ZNF710: variants seen among roughly 807,000 people sequenced by gnomAD.
ZNF710 encodes the protein zinc finger protein 710.
A neutral mutation model predicts 50.6 loss-of-function variants in ZNF710; 13 were observed. That is an observed-to-expected ratio of 0.26 (90% CI 0.17 to 0.41). ZNF710 has a LOEUF of 0.41. ZNF710 is among the 10% of genes least tolerant of loss of function. ZNF710 has a pLI of 1.00. For synonymous variants in ZNF710, 383 were observed against 397.0 expected (o/e 0.96, Z 0.42); for missense variants, 721 against 936.6 (o/e 0.77, Z 3.01).
chr15:90,050,930 G>A (rs1213580821), intron 1 of ZNF710, among the ~76,000 whole-genome samples: 3 of 152,116 alleles, frequency 2.0e-5, no homozygotes, highest in Admixed American at 1.3e-4. Context: ...CCGGATGATA[G>A]GAACAATAAT....
In ZNF710 at chr15:90,059,357, G is replaced by A. The variant is rs570169109; in HGVS notation, c.-28-7753G>A. Among the ~76,000 whole-genome samples, 9 of 152,350 alleles carry A rather than the reference G, an allele frequency of 5.9e-5. No individual in the cohort carries two copies. The highest frequency in any genetic ancestry group is 2.1e-4 in the South Asian group (1 of 4,834). ...CCTACCAAAAGGCTGTGGGGGCTGC[G>A]GGGCCGGAGACCTGCATTCTAGCCC... On this transcript the variant is annotated intron_variant, in intron 1 of 4. Coordinates refer to ENST00000268154, the MANE Select transcript of ZNF710 (RefSeq NM_198526.4). This position sits in a 1 kb window ranked among gnomAD's most constrained non-coding sequence, Gnocchi z 4.1.
Position 90,074,219 on chromosome 15 carries a change from A to G in ZNF710, c.1754A>G (p.Asn585Ser). Residue 585 changes from asparagine (N) to serine (S), a missense_variant, in exon 4 of 5, where the codon AAT becomes AGT. Coordinates refer to ENST00000268154, the MANE Select transcript of ZNF710 (RefSeq NM_198526.4). ...FKCPYCSSKF[N>S]LKGNLSRHMK... The stretch of plus-strand genomic sequence containing the variant: ...TGCCCCTACTGCTCCAGCAAGTTTA[A>G]TCTCAAGGGCAACCTGAGCCGGCAC... The G allele has an allele frequency of 1.2e-6, 2 of 1,613,392 alleles. No homozygotes were observed. The highest frequency in any genetic ancestry group is 1.7e-6 in the Non-Finnish European group (2 of 1,179,788).
chr15:90,014,742 C>T (rs1265558318), intron 1 of ZNF710, among the ~76,000 whole-genome samples: 1 of 152,066 alleles, frequency 6.6e-6, no homozygotes, highest in East Asian at 1.9e-4. Context: ...AGAATTTCTT[C>T]TTGGCAGAAT....
Position 90,067,368 on chromosome 15 carries a change from G to A in ZNF710, c.231G>A (p.Glu77=). The change falls in exon 2 of 5, where the codon GAG becomes GAA. Residue 77 remains glutamate (E), a synonymous_variant. Transcript: ENST00000268154. The surrounding 1 kb of genome is among the most constrained non-coding windows in gnomAD (Gnocchi z 8.1). ...YQLACNGRAL[E]EPAEEEVLEV... is the part of the protein sequence containing the mutation. ...TGGCCTGCAACGGGAGGGCCTTGGA[G>A]GAGCCGGCGGAGGAGGAGGTGCTGG... 6.3e-7 allele frequency: 1 copy of A among 1,595,946 alleles called. No homozygotes were observed. The highest frequency in any genetic ancestry group is 8.5e-7 in the Non-Finnish European group (1 of 1,171,094).
rs1327642097 is a variant in ZNF710, at chr15:90,059,313, G to T, written c.-28-7797G>T. On this transcript the variant is annotated intron_variant, in intron 1 of 4. Coordinates refer to ENST00000268154, the MANE Select transcript of ZNF710 (RefSeq NM_198526.4). This position sits in a 1 kb window ranked among gnomAD's most constrained non-coding sequence, Gnocchi z 4.1. Reference sequence around the variant, plus strand: ...GAGCCATCTTGGGCAGCAAATGAAGGCATGGGCAGTGCATCCCGCCTACCA... The same window carrying T: ...GAGCCATCTTGGGCAGCAAATGAAGTCATGGGCAGTGCATCCCGCCTACCA... Among the ~76,000 whole-genome samples, 1 of 152,208 alleles carries T rather than the reference G, an allele frequency of 6.6e-6. No homozygotes were observed. The highest frequency in any genetic ancestry group is 2.4e-5 in the African/African-American group (1 of 41,438).
rs1380814412 is a variant in ZNF710, at chr15:90,044,855, C to T, written c.-28-22255C>T. Among the ~76,000 whole-genome samples the T allele has an allele frequency of 3.9e-5, 6 of 152,142 alleles. No individual in the cohort carries two copies. In the East Asian group the frequency reaches 1.2e-3, roughly 29 times the overall value. ...AGCAAGGCCAGCACTTTCTACATCCCCAGGGGCCACCAGTCACTGTGGTCT... is the reference window on the plus strand; with the variant it reads ...AGCAAGGCCAGCACTTTCTACATCCTCAGGGGCCACCAGTCACTGTGGTCT... On this transcript the variant is annotated intron_variant, in intron 1 of 4. Transcript: ENST00000268154.
chr15:90,011,475 A>T lies in ZNF710; in HGVS notation c.-29+9861A>T, dbSNP rs145857814. ...TTTTTTCAAACAATGTAAAGACCTTAGAATGCTTTATATAAAGTCACCACT... is the reference window on the plus strand; with the variant it reads ...TTTTTTCAAACAATGTAAAGACCTTTGAATGCTTTATATAAAGTCACCACT... On this transcript the variant is annotated intron_variant, in intron 1 of 4. Coordinates refer to ENST00000268154, the MANE Select transcript of ZNF710 (RefSeq NM_198526.4). 9.2e-5 allele frequency among the ~76,000 whole-genome samples: 14 copies of T among 152,338 alleles called. No individual in the cohort carries two copies. The East Asian group carries it at 2.5e-3, about 27-fold the overall frequency.
At chr15:90,020,174 C>G (rs1040847803) in intron 1 of ZNF710, among the ~76,000 whole-genome samples, 1 of 152,220 alleles carries the variant, frequency 6.6e-6, no homozygotes, top group Non-Finnish European at 1.5e-5. Context: ...TGCTGACCGG[C>G]TCTTCCTCCT....
intron 1 of ZNF710, among the ~76,000 whole-genome samples, chr15:90,018,064 C>T (rs1358933459): frequency 3.3e-5 from 5 of 152,116 alleles, no homozygotes; most frequent in African/African-American, 1.2e-4. Flanking sequence ...CTGTCTCCCC[C>T]AGAAAAACTT....
At chr15:90,056,166 T>G (rs2151513154) in intron 1 of ZNF710, among the ~76,000 whole-genome samples, 2 of 150,428 alleles carry the variant, frequency 1.3e-5, no homozygotes, top group East Asian at 2.0e-4. Context: ...TCCCAGCACT[T>G]TGGGAGGCCG....
chr15:90,072,943 A>G, intron 2 of ZNF710, 128 bp from the exon 3 acceptor site: 2 of 999,344 alleles, frequency 2.0e-6, no homozygotes, highest in East Asian at 5.2e-5. Context: ...TACCCTCAAA[A>G]AGAGACATTT....
intron 1 of ZNF710, among the ~76,000 whole-genome samples, chr15:90,019,944 T>C (rs1314824796): frequency 2.0e-5 from 3 of 152,130 alleles, no homozygotes; most frequent in Non-Finnish European, 4.4e-5. Context: ...ACTAGGTTGG[T>C]GCTTATTGGG....
intron 1 of ZNF710, among the ~76,000 whole-genome samples, chr15:90,065,243 C>T (rs753849794): frequency 2.3e-4 from 35 of 152,068 alleles, no homozygotes; most frequent in Admixed American, 5.2e-4. Flanking sequence ...GGGAGGGGGA[C>T]GCCTTGCCCG....
At chr15:90,049,125 TA>T (rs1899559015) in intron 1 of ZNF710, among the ~76,000 whole-genome samples, 1 of 152,346 alleles carries the variant, frequency 6.6e-6, no homozygotes, top group Non-Finnish European at 1.5e-5. Context: ...TGTAAAGGCT[TA>T]AACTGACCAT....
At position 90,062,437 on chromosome 15, in the gene ZNF710, C is replaced by A. The variant is rs997967581; in HGVS notation, c.-28-4673C>A. On this transcript the variant is annotated intron_variant, in intron 1 of 4. Transcript: ENST00000268154. This position sits in a 1 kb window ranked among gnomAD's most constrained non-coding sequence, Gnocchi z 5.6. ...AGTCTGAGCTCCCCTTTCTCCTGGA[C>A]ATGGGGGGAGCTTTTGTTCTGAGTC... Among the ~76,000 whole-genome samples the A allele has an allele frequency of 1.5e-4, 23 of 152,150 alleles. No homozygotes were observed. Among genetic ancestry groups the A allele is most frequent in the Admixed American group, 1.2e-3 (19 of 15,272 alleles).
intron 1 of ZNF710, among the ~76,000 whole-genome samples, chr15:90,033,930 G>A (rs1047263405): frequency 2.6e-5 from 4 of 152,172 alleles, no homozygotes; most frequent in African/African-American, 9.7e-5. Flanking sequence ...GGCTGGATGC[G>A]GTGGCTCATG....
chr15:90,037,379 C>T (rs557637973), intron 1 of ZNF710, among the ~76,000 whole-genome samples: 8 of 152,298 alleles, frequency 5.3e-5, no homozygotes, highest in South Asian at 2.1e-4. Context: ...TGTCAGGAAC[C>T]GCTCCTTCCA....
chr15:90,021,654 C>G (rs563000038), intron 1 of ZNF710, among the ~76,000 whole-genome samples: 1 of 152,170 alleles, frequency 6.6e-6, no homozygotes, highest in Non-Finnish European at 1.5e-5. Context: ...CAGTGAGCCC[C>G]CAGTCCAGAA....
At chr15:90,036,518 A>G (rs1474565026) in intron 1 of ZNF710, among the ~76,000 whole-genome samples, 1 of 151,804 alleles carries the variant, frequency 6.6e-6, no homozygotes, top group Non-Finnish European at 1.5e-5. Flanking sequence ...ATGAATTCTC[A>G]TTGTGAGCAT....
Sources: gnomAD v4.1 joint callset for allele counts (sites outside exome capture counted in the v4.1 genomes callset) on GRCh38, gnomAD v4.1.1 for gene constraint, Gnocchi (gnomAD v3.1) non-coding constraint, MANE v1.5 for transcripts, NCBI Gene and HGNC (gene_info 2026-07-23, HGNC 2026-07-21) for gene names.